Variants in SMARCAD1 observed in about 807,000 individuals in gnomAD.
SMARCAD1 encodes SNF2 related chromatin remodeling ATPase with DExD box 1, also known as SWI/SNF-related matrix-associated actin-dependent regulator of chromatin subfamily A containing DEAD/H box 1.
In SMARCAD1, 25 loss-of-function variants were observed where a neutral mutation model predicts 127.1. The ratio of observed to expected loss-of-function variants is 0.20; its 90% CI spans 0.14 to 0.27. The LOEUF is 0.27. SMARCAD1 is among the 10% of genes least tolerant of loss of function. The pLI is 1.00. For synonymous variants in SMARCAD1, 400 were observed against 396.9 expected (o/e 1.01, Z -0.09); for missense variants, 807 against 1,206.0 (o/e 0.67, Z 4.90).
Position 94,289,528 on chromosome 4 carries a change from C to T in SMARCAD1, c.3075C>T (p.Gly1025=). The T allele has an allele frequency of 6.2e-7, 1 of 1,612,250 alleles. No individual in the cohort carries two copies. The highest frequency in any genetic ancestry group is 1.1e-5 in the South Asian group (1 of 91,040). Residue 1025 remains glycine, a synonymous_variant, in exon 24 of 24, where the codon GGC becomes GGT. Coordinates refer to ENST00000354268, the MANE Select transcript of SMARCAD1 (RefSeq NM_020159.5). ...DIATLLKTSM[G]L is the part of the protein sequence containing the mutation. Reference sequence around the variant, plus strand: ...CCACATTACTAAAAACATCAATGGGCCTGTGAAATAAGAACTGTGAACTCT... The same window carrying T: ...CCACATTACTAAAAACATCAATGGGTCTGTGAAATAAGAACTGTGAACTCT...
At chr4:94,272,643 A>T (rs1752699706) in intron 11 of SMARCAD1, among the ~76,000 whole-genome samples, 1 of 151,722 alleles carries the variant, frequency 6.6e-6, no homozygotes, top group Non-Finnish European at 1.5e-5. Context: ...TGTTATTGAG[A>T]TCTATCTGTG....
chr4:94,252,611 T>C lies in SMARCAD1; in HGVS notation c.890-5T>C. ...TTAGTTACTGTTTTTGTCTTTTATA[T>C]ACAGATATGCAATATGTATCACAAA... On this transcript the variant is annotated splice_polypyrimidine_tract_variant and splice_region_variant and intron_variant, in intron 8 of 23. Coordinates refer to ENST00000354268, the MANE Select transcript of SMARCAD1 (RefSeq NM_020159.5). The C allele has an allele frequency of 6.5e-7, 1 of 1,530,628 alleles. No homozygotes were observed. The highest frequency in any genetic ancestry group is 8.8e-7 in the Non-Finnish European group (1 of 1,138,102). The allele number at this position is 1,530,628 out of a possible 1,614,324, so 94.8% of individuals were successfully genotyped here. A position where few individuals can be genotyped will look rare whatever the true frequency, so the allele number is the denominator to read the frequency against.
chr4:94,289,560 A>ATATTTCCTCATCAAT lies in SMARCAD1; in HGVS notation c.*27_*28insATTTCCTCATCAATT. On this transcript the variant is annotated 3_prime_UTR_variant, in exon 24 of 24. Coordinates refer to ENST00000354268, the MANE Select transcript of SMARCAD1 (RefSeq NM_020159.5). Reference sequence around the variant, plus strand: ...AATAAGAACTGTGAACTCTCAATTGATGAGGAAATATCAACTTGGTGCACT... The same window carrying ATATTTCCTCATCAAT: ...AATAAGAACTGTGAACTCTCAATTGATATTTCCTCATCAATTGAGGAAATATCAACTTGGTGCACT... The ATATTTCCTCATCAAT allele has an allele frequency of 6.4e-7, 1 of 1,570,572 alleles. No individual in the cohort carries two copies. Among genetic ancestry groups the ATATTTCCTCATCAAT allele is most frequent in the Non-Finnish European group, 8.8e-7 (1 of 1,140,416 alleles).
intron 2 of SMARCAD1, among the ~76,000 whole-genome samples, chr4:94,222,972 T>A (rs115664069): frequency 4.0e-5 from 6 of 151,202 alleles, no homozygotes; most frequent in Non-Finnish European, 8.9e-5. Flanking sequence ...TCAAAAAAAA[T>A]AAATAAAATA....
At position 94,281,158 on chromosome 4, in the gene SMARCAD1, AATAC is replaced by A. The variant is rs367695641; in HGVS notation, c.2608-306_2608-303del. On this transcript the variant is annotated intron_variant, in intron 20 of 23. Transcript: ENST00000354268. ...AAATTTGTAAAATCACAGTCCAGAT[AATAC>A]ATACATAAGCAGTTGTCCACATTTT... Among the ~76,000 whole-genome samples the A allele has an allele frequency of 5.3e-5, 8 of 152,348 alleles. 1 individual carries two copies. The highest frequency in any genetic ancestry group is 1.7e-4 in the African/African-American group (7 of 41,592).
At chr4:94,229,539 T>G (rs1745505751) in intron 3 of SMARCAD1, among the ~76,000 whole-genome samples, 1 of 152,160 alleles carries the variant, frequency 6.6e-6, no homozygotes, top group Non-Finnish European at 1.5e-5. Flanking sequence ...ATCATTTTCC[T>G]TTCTGGAACA....
intron 3 of SMARCAD1, among the ~76,000 whole-genome samples, chr4:94,227,957 G>T (rs374136108): frequency 1.3e-5 from 2 of 152,296 alleles, no homozygotes; most frequent in East Asian, 3.9e-4. Flanking sequence ...TGGATTTTTA[G>T]AATCAGGGAG....
intron 5 of SMARCAD1, among the ~76,000 whole-genome samples, chr4:94,240,682 G>T (rs1271904009): frequency 6.6e-6 from 1 of 152,108 alleles, no homozygotes; most frequent in African/African-American, 2.4e-5. Flanking sequence ...TAAATAATGT[G>T]ATGGTTTATG....
At chr4:94,253,226 A>G in intron 9 of SMARCAD1, 3 of 1,505,970 alleles carry the variant, frequency 2.0e-6, no homozygotes, top group Non-Finnish European at 2.7e-6. Flanking sequence ...AAAAAACCCA[A>G]GCTGATTGGC....
chr4:94,279,297 C>G (rs1331972790), intron 19 of SMARCAD1, among the ~76,000 whole-genome samples: 1 of 152,168 alleles, frequency 6.6e-6, no homozygotes, highest in Non-Finnish European at 1.5e-5. Context: ...CAGGCACGCA[C>G]CACCATGCCC....
At chr4:94,210,895 C>T (rs1366718180) in intron 2 of SMARCAD1, among the ~76,000 whole-genome samples, 4 of 137,894 alleles carry the variant, frequency 2.9e-5, no homozygotes, top group African/African-American at 5.5e-5. Context: ...GATCACACCA[C>T]TGCACTCCAG....
intron 21 of SMARCAD1, 26 bp from the exon 22 acceptor site, chr4:94,283,095 T>C: frequency 6.3e-7 from 1 of 1,588,316 alleles, no homozygotes; most frequent in Non-Finnish European, 8.6e-7. Flanking sequence ...TTTAGTGAGA[T>C]TTAACCTAAT....
intron 2 of SMARCAD1, among the ~76,000 whole-genome samples, chr4:94,225,788 A>T (rs1744894897): frequency 6.6e-6 from 1 of 152,216 alleles, no homozygotes; most frequent in South Asian, 2.1e-4. Flanking sequence ...GTGGGATTGG[A>T]ATCTTTTGGG....
intron 2 of SMARCAD1, among the ~76,000 whole-genome samples, chr4:94,209,214 A>G (rs755012136): frequency 6.6e-6 from 1 of 152,250 alleles, no homozygotes; most frequent in East Asian, 1.9e-4. Flanking sequence ...ACAGTTAACT[A>G]TTAGAGGAAT....
chr4:94,219,199 A>G (rs1303567237), intron 2 of SMARCAD1, among the ~76,000 whole-genome samples: 2 of 152,238 alleles, frequency 1.3e-5, no homozygotes, highest in Non-Finnish European at 2.9e-5. Flanking sequence ...GTTGCCATCT[A>G]AAGGATTGAA....
intron 2 of SMARCAD1, among the ~76,000 whole-genome samples, chr4:94,212,044 GTGTTCACC>G (rs1160830905): frequency 1.5e-4 from 23 of 152,196 alleles, no homozygotes; most frequent in African/African-American, 5.5e-4. Context: ...CTTATCTGTT[GTGTTCACC>G]TATTTATCTC....
At chr4:94,255,833 TTTC>T (rs1395465498) in intron 9 of SMARCAD1, among the ~76,000 whole-genome samples, 9 of 152,056 alleles carry the variant, frequency 5.9e-5, no homozygotes, top group Non-Finnish European at 1.3e-4. Flanking sequence ...TTTTTAAATT[TTTC>T]TTCATAATTT....
chr4:94,282,092 G>GTGT (rs1553921634), intron 21 of SMARCAD1, among the ~76,000 whole-genome samples: 1 of 110,984 alleles, frequency 9.0e-6, no homozygotes, highest in Non-Finnish European at 1.7e-5. Flanking sequence ...ATGCAAATAC[G>GTGT]TTTTTTTGTT....
intron 22 of SMARCAD1, among the ~76,000 whole-genome samples, chr4:94,284,694 A>G (rs1173020003): frequency 6.6e-6 from 1 of 151,576 alleles, no homozygotes; most frequent in Non-Finnish European, 1.5e-5. Context: ...CAGCCTCCCA[A>G]AGTGCTGGGA....
Sources: allele counts gnomAD v4.1 joint callset (sites outside exome capture counted in the v4.1 genomes callset), GRCh38; gene constraint gnomAD v4.1.1; transcripts MANE v1.5; gene names NCBI Gene and HGNC (gene_info 2026-07-23, HGNC 2026-07-21).